Variants in ESCO2 observed in about 807,000 individuals in gnomAD.
ESCO2 encodes the protein establishment of sister chromatid cohesion N-acetyltransferase 2.
A neutral mutation model predicts 61.7 loss-of-function variants in ESCO2; 51 were observed. The observed-to-expected ratio is 0.83, with a 90% CI of 0.66 to 1.04. The LOEUF is 1.04. ESCO2 is among the 50% of genes least tolerant of loss of function. ESCO2 has a pLI of 0.00. For synonymous variants in ESCO2, 230 were observed against 238.2 expected (o/e 0.97, Z 0.32); for missense variants, 692 against 686.2 (o/e 1.01, Z -0.09).
chr8:27,792,716 G>A lies in ESCO2; in HGVS notation c.1402G>A (p.Val468Ile). 6.2e-7 allele frequency: 1 copy of A among 1,612,640 alleles called. No individual in the cohort carries two copies. Among genetic ancestry groups the A allele is most frequent in the Non-Finnish European group, 8.5e-7 (1 of 1,179,570 alleles). ...LVDNELGFQQ[V>I]VPKCPNKIKT... ...TGATAATGAATTGGGCTTCCAGCAA[G>A]TTGTTCCTAAATGTCCAAACAAAAT... Residue 468 changes from valine to isoleucine, a missense_variant, in exon 9 of 11, where the codon GTT becomes ATT. Coordinates refer to ENST00000305188, the MANE Select transcript of ESCO2 (RefSeq NM_001017420.3).
In ESCO2 at chr8:27,803,498, A is replaced by G. The variant is rs1805495320; in HGVS notation, c.*60A>G. ...ATAAGTTCAAAGAGCTCCTTATTAT[A>G]AAATACAAACTATTTAATATCAAAA... On this transcript the variant is annotated 3_prime_UTR_variant, in exon 11 of 11. Transcript: ENST00000305188. 6.3e-7 allele frequency: 1 copy of G among 1,594,690 alleles called. No homozygotes were observed. Among genetic ancestry groups the G allele is most frequent in the African/African-American group, 1.4e-5 (1 of 72,064 alleles).
At chr8:27,776,108 C>A (rs1413218282) in intron 2 of ESCO2, among the ~76,000 whole-genome samples, 1 of 152,166 alleles carries the variant, frequency 6.6e-6, no homozygotes, top group Admixed American at 6.5e-5. Flanking sequence ...TTAAAACATA[C>A]ATGCATATAT....
At position 27,804,197 on chromosome 8, in the gene ESCO2, AT is replaced by A; in HGVS notation, c.*760del. On this transcript the variant is annotated 3_prime_UTR_variant, in exon 11 of 11. Coordinates refer to ENST00000305188, the MANE Select transcript of ESCO2 (RefSeq NM_001017420.3). ...GCAGAATTTGATAGCTTAGTGTTCAATCTTTTTGAAAATAAATGTTTACCTG... is the reference window on the plus strand; with the variant it reads ...GCAGAATTTGATAGCTTAGTGTTCAACTTTTTGAAAATAAATGTTTACCTG... The A allele has an allele frequency of 1.0e-6, 1 of 985,348 alleles. No homozygotes were observed. The allele number at this position is 985,348 out of a possible 1,614,324, so 61.0% of individuals were successfully genotyped here.
Position 27,777,309 on chromosome 8 carries a change from T to G in ESCO2, c.861+140T>G, listed in dbSNP as rs537224806. On this transcript the variant is annotated intron_variant, in intron 3 of 10. Transcript: ENST00000305188. Reference sequence around the variant, plus strand: ...TGTTTAGTTACTGTAAGGAGTTTATTTATTTATTTATTTTAAGACAGGGTC... The same window carrying G: ...TGTTTAGTTACTGTAAGGAGTTTATGTATTTATTTATTTTAAGACAGGGTC... 3.1e-5 allele frequency: 24 copies of G among 777,864 alleles called. No homozygotes were observed. The South Asian group carries it at 4.3e-4, about 14-fold the overall frequency. The allele number at this position is 777,864 out of a possible 1,614,324, so 48.2% of individuals were successfully genotyped here.
chr8:27,811,335 G>A (rs1332132533), downstream of ESCO2: 4 of 606,298 alleles, frequency 6.6e-6, no homozygotes, highest in Non-Finnish European at 1.2e-5. Context: ...CTGGTCAGTT[G>A]GCAGGTATGT....
At chr8:27,772,664 T>G (rs779033824), upstream of ESCO2, 1 of 907,108 alleles carries the variant, frequency 1.1e-6, no homozygotes, top group Non-Finnish European at 1.7e-6. Flanking sequence ...CCGGCGGACG[T>G]CGGGGCGCGT....
chr8:27,813,979 G>A (rs1805759416), downstream of ESCO2, among the ~76,000 whole-genome samples: 1 of 151,992 alleles, frequency 6.6e-6, no homozygotes, highest in African/African-American at 2.4e-5. Context: ...GTGATATTTT[G>A]ATGCAGGCAT....
chr8:27,799,604 G>C lies in ESCO2; in HGVS notation c.1561G>C (p.Ala521Pro), dbSNP rs1805379062. ...CCCAAGCTCTACGGAATGTCCTAGG[G>C]CTTGGCAATGTTCAGATGTACCAGA... ...ESPSSTECPR[A>P]WQCSDVPEPA... Residue 521 changes from alanine (A) to proline (P), a missense_variant, in exon 10 of 11, where the codon GCT (alanine) becomes CCT (proline). Ala to Pro is a conservative substitution (Grantham distance 27). Transcript: ENST00000305188. 1.2e-6 allele frequency: 2 copies of C among 1,613,906 alleles called. No homozygotes were observed. Among genetic ancestry groups the C allele is most frequent in the African/African-American group, 2.7e-5 (2 of 74,932 alleles).
chr8:27,790,830 C>T (rs1160030481), intron 7 of ESCO2, among the ~76,000 whole-genome samples: 2 of 152,162 alleles, frequency 1.3e-5, no homozygotes, highest in Non-Finnish European at 2.9e-5. Flanking sequence ...TTAATGCATA[C>T]CAAATTCCCA....
At chr8:27,813,697 C>A (rs981709624), downstream of ESCO2, among the ~76,000 whole-genome samples, 1 of 151,974 alleles carries the variant, frequency 6.6e-6, no homozygotes, top group Admixed American at 6.6e-5. Context: ...ACAAAGGGCA[C>A]GAAGCTTCCA....
intron 9 of ESCO2, 100 bp downstream of exon 9, chr8:27,792,911 C>G (rs4732754): frequency 4.8e-6 from 6 of 1,241,550 alleles, no homozygotes; most frequent in Non-Finnish European, 6.6e-6. Context: ...ATTAATGACA[C>G]TCTTCCTACT....
upstream of ESCO2, among the ~76,000 whole-genome samples, chr8:27,772,943 A>G (rs1387008562): frequency 6.6e-6 from 1 of 151,696 alleles, no homozygotes; most frequent in Non-Finnish European, 1.5e-5. Flanking sequence ...GATACTCACC[A>G]GGACAATATG....
At chr8:27,782,282 G>GA (rs981480793) in intron 4 of ESCO2, among the ~76,000 whole-genome samples, 2 of 151,854 alleles carry the variant, frequency 1.3e-5, no homozygotes, top group African/African-American at 4.8e-5. Context: ...TTTTCTCTTT[G>GA]AGACAGAGGC....
intron 9 of ESCO2, among the ~76,000 whole-genome samples, chr8:27,793,783 C>G (rs916146254): frequency 4.6e-5 from 7 of 152,164 alleles, no homozygotes; most frequent in African/African-American, 1.7e-4. Flanking sequence ...CCGCACCCGG[C>G]CTTTAGCAAT....
intron 2 of ESCO2, 103 bp downstream of exon 2, chr8:27,775,670 C>G: frequency 1.0e-6 from 1 of 1,004,644 alleles, no homozygotes; most frequent in South Asian, 1.3e-5. Context: ...CTAGCCTACT[C>G]CTTGTGGCTA....
intron 6 of ESCO2, 69 bp downstream of exon 6, chr8:27,788,071 A>C (rs1315162471): frequency 9.4e-7 from 1 of 1,059,678 alleles, no homozygotes. Flanking sequence ...CCCCTGTATT[A>C]GACAGTTCAG....
At chr8:27,772,798 C>T (rs1804682808), upstream of ESCO2, 1 of 547,234 alleles carries the variant, frequency 1.8e-6, no homozygotes, top group Non-Finnish European at 3.3e-6. Flanking sequence ...GTTAGTTAAC[C>T]TGTCTGTGCT....
chr8:27,793,479 G>GTTTTTTTTTTTTTTTTTTTTTT (rs67670087), intron 9 of ESCO2, among the ~76,000 whole-genome samples: 4 of 125,506 alleles, frequency 3.2e-5, no homozygotes, highest in African/African-American at 5.9e-5. Flanking sequence ...CTTTTTCTTT[G>GTTTTTTTTTTTTTTTTTTTTTT]TTTTTTTTTT....
In ESCO2 at chr8:27,788,965, G is replaced by C; in HGVS notation, c.1250G>C (p.Gly417Ala). 6.2e-7 allele frequency: 1 copy of C among 1,613,964 alleles called. No individual in the cohort carries two copies. Among genetic ancestry groups the C allele is most frequent in the Non-Finnish European group, 8.5e-7 (1 of 1,179,954 alleles). The change falls in exon 7 of 11, where the codon GGA becomes GCA. Residue 417 changes from glycine to alanine, a missense_variant. By Grantham distance (60) the Gly-to-Ala change is moderately conservative. Transcript: ENST00000305188. The part of the protein sequence containing the change: ...HVQHHHRFLE[G>A]IKYVGWKKER... Reference sequence around the variant, plus strand: ...CAGCATCACCACAGGTTTCTGGAAGGAATCAAATATGTGGTGAGCCAAAAC... The same window carrying C: ...CAGCATCACCACAGGTTTCTGGAAGCAATCAAATATGTGGTGAGCCAAAAC...
Sources: gnomAD v4.1 joint callset for allele counts (sites outside exome capture counted in the v4.1 genomes callset) on GRCh38, gnomAD v4.1.1 for gene constraint, MANE v1.5 for transcripts, NCBI Gene and HGNC (gene_info 2026-07-23, HGNC 2026-07-21) for gene names.